Variants in CACNA1D observed in about 807,000 individuals in gnomAD.
CACNA1D encodes the protein voltage-dependent L-type calcium channel subunit alpha-1D.
In CACNA1D, 55 loss-of-function variants were observed where a neutral mutation model predicts 257.1. The ratio of observed to expected loss-of-function variants is 0.21; its 90% CI spans 0.17 to 0.27. The LOEUF is 0.27. Among genes scored for constraint, CACNA1D ranks in the 10% least tolerant of loss-of-function variants. CACNA1D has a pLI of 1.00. For synonymous variants in CACNA1D, 980 were observed against 1,014.9 expected, an observed-to-expected ratio of 0.97 and a Z score of 0.65; for missense variants, 1,876 against 2,784.0, an observed-to-expected ratio of 0.67 and a Z score of 7.34.
intron 8 of CACNA1D, among the ~76,000 whole-genome samples, chr3:53,691,722 C>A (rs1340886435): frequency 3.5e-5 from 2 of 57,850 alleles, no homozygotes; most frequent in Non-Finnish European, 7.0e-5. Context: ...ATATATATTA[C>A]ATATATAATA....
At chr3:53,769,247 G>GCA (rs1193799870) in intron 30 of CACNA1D, among the ~76,000 whole-genome samples, 1 of 152,234 alleles carries the variant, frequency 6.6e-6, no homozygotes, top group Non-Finnish European at 1.5e-5. Flanking sequence ...AGGGACAGGA[G>GCA]CACAGCCAGA....
At chr3:53,537,007 T>C (rs1026162185) in intron 3 of CACNA1D, among the ~76,000 whole-genome samples, 8 of 152,234 alleles carry the variant, frequency 5.3e-5, no homozygotes, top group Non-Finnish European at 7.4e-5. Flanking sequence ...AAGAAAACCA[T>C]GGCTGGTTAG....
chr3:53,655,467 T>C (rs11709565), intron 4 of CACNA1D, among the ~76,000 whole-genome samples: 31,614 of 152,140 alleles, frequency 0.21, 3,530 homozygotes, highest in Middle Eastern at 0.29. Context: ...CTCTGCAACC[T>C]CGTCAGCATC....
intron 3 of CACNA1D, among the ~76,000 whole-genome samples, chr3:53,639,456 G>A (rs1204264532): frequency 2.6e-5 from 4 of 151,382 alleles, no homozygotes; most frequent in African/African-American, 7.3e-5. Flanking sequence ...GCACAATCTC[G>A]GCTCACTGCA....
chr3:53,585,560 C>G (rs1217431142), intron 3 of CACNA1D, among the ~76,000 whole-genome samples: 1 of 152,110 alleles, frequency 6.6e-6, no homozygotes, highest in Non-Finnish European at 1.5e-5. Context: ...CCCTAACATG[C>G]TTTTCCTGGT....
At chr3:53,750,511 C>G (rs1481681387) in intron 27 of CACNA1D, among the ~76,000 whole-genome samples, 1 of 152,226 alleles carries the variant, frequency 6.6e-6, no homozygotes, top group Non-Finnish European at 1.5e-5. Context: ...GCTGTACCCA[C>G]TGGGAAATGT....
intron 3 of CACNA1D, among the ~76,000 whole-genome samples, chr3:53,555,172 A>G (rs1191030010): frequency 1.3e-5 from 2 of 152,224 alleles, no homozygotes; most frequent in African/African-American, 4.8e-5. Context: ...CAAATGATTG[A>G]ACTAGAAACT....
chr3:53,559,722 G>A (rs1277853714), intron 3 of CACNA1D, among the ~76,000 whole-genome samples: 2 of 152,144 alleles, frequency 1.3e-5, no homozygotes, highest in South Asian at 2.1e-4. Flanking sequence ...CCTTTGTGAT[G>A]TAACTCTCTT....
chr3:53,711,875 G>C (rs2094760504), intron 9 of CACNA1D, among the ~76,000 whole-genome samples: 1 of 152,220 alleles, frequency 6.6e-6, no homozygotes, highest in Non-Finnish European at 1.5e-5. Context: ...ACTTGCCTGA[G>C]GTGGGACAGT....
At chr3:53,747,237 A>G in intron 25 of CACNA1D, 65 bp from the exon 26 acceptor site, 3 of 1,468,814 alleles carry the variant, frequency 2.0e-6, no homozygotes, top group Non-Finnish European at 2.9e-6. Flanking sequence ...CAGTGTGTCC[A>G]ACTTTACGCT....
intron 3 of CACNA1D, among the ~76,000 whole-genome samples, chr3:53,507,066 C>CT (rs1400247868): frequency 4.7e-4 from 43 of 90,662 alleles, no homozygotes; most frequent in Admixed American, 2.6e-3. Flanking sequence ...GAGCAAGACT[C>CT]TATCTCAAAA....
At position 53,800,588 on chromosome 3, in the gene CACNA1D, C is replaced by T. The variant is rs2095531428; in HGVS notation, c.5040+223C>T. 5.0e-6 allele frequency: 3 copies of T among 605,066 alleles called. No individual in the cohort carries two copies. The South Asian group carries it at 5.3e-5, about 11-fold the overall frequency. 37.5% of individuals were successfully genotyped at this position (605,066 alleles called of 1,614,324 possible). A position where few individuals can be genotyped will look rare whatever the true frequency, so the allele number is the denominator to read the frequency against. ...TCTTTCCCTGAGCTTACCCAGCTTC[C>T]CCTCACTGCCTGCTTCTGAGGAGCT... On this transcript the variant is annotated intron_variant, in intron 41 of 47. Transcript: ENST00000350061. This position sits in a 1 kb window ranked among gnomAD's most constrained non-coding sequence, Gnocchi z 4.3.
At chr3:53,760,659 G>T (rs1033669314) in intron 29 of CACNA1D, among the ~76,000 whole-genome samples, 35 of 152,300 alleles carry the variant, frequency 2.3e-4, no homozygotes, top group African/African-American at 8.2e-4. Flanking sequence ...TTTAGCACCT[G>T]CTGTGCTGAT....
At chr3:53,749,609 C>T (rs2095206796) in intron 27 of CACNA1D, 140 bp downstream of exon 27, 4 of 691,654 alleles carry the variant, frequency 5.8e-6, no homozygotes, top group Admixed American at 4.3e-5. Context: ...TCTAAGCACA[C>T]CCTCAGCCCA....
chr3:53,785,279 G>C (rs540930174), intron 39 of CACNA1D, among the ~76,000 whole-genome samples: 1 of 152,198 alleles, frequency 6.6e-6, no homozygotes, highest in Admixed American at 6.5e-5. Flanking sequence ...ATGCTACTCA[G>C]AGTCTTTGGC....
intron 3 of CACNA1D, among the ~76,000 whole-genome samples, chr3:53,628,615 T>TA (rs1022696961): frequency 2.6e-5 from 4 of 152,136 alleles, no homozygotes; most frequent in South Asian, 2.1e-4. Context: ...TTCAAGGTCT[T>TA]AAAAAAAATC....
Position 53,660,118 on chromosome 3 carries a change from T to C in CACNA1D, c.624-15T>C, listed in dbSNP as rs1387868681. ...TAACAGACTCTAACATTTCTTTCTC[T>C]TTCTCTTCTTTCAGATTGTTTAGTG... On this transcript the variant is annotated splice_polypyrimidine_tract_variant and intron_variant, in intron 4 of 47. Transcript: ENST00000350061. The C allele has an allele frequency of 1.2e-6, 2 of 1,612,274 alleles. No individual in the cohort carries two copies. Among genetic ancestry groups the C allele is most frequent in the African/African-American group, 1.3e-5 (1 of 74,888 alleles).
intron 3 of CACNA1D, among the ~76,000 whole-genome samples, chr3:53,576,385 G>A (rs576552354): frequency 3.1e-4 from 47 of 152,304 alleles, no homozygotes; most frequent in Non-Finnish European, 5.3e-4. Flanking sequence ...AGTTCAGTCC[G>A]TGGATGAGAG....
chr3:53,691,149 CTTT>C (rs746562216), intron 8 of CACNA1D, among the ~76,000 whole-genome samples: 2 of 139,852 alleles, frequency 1.4e-5, no homozygotes, highest in East Asian at 4.3e-4. Context: ...AAGAATACCT[CTTT>C]TTTTTTTTTT....
Sources: gnomAD v4.1 joint callset for allele counts (sites outside exome capture counted in the v4.1 genomes callset) on GRCh38, gnomAD v4.1.1 for gene constraint, Gnocchi (gnomAD v3.1) non-coding constraint, MANE v1.5 for transcripts, NCBI Gene and HGNC (gene_info 2026-07-23, HGNC 2026-07-21) for gene names.